RANBP2: variants seen among roughly 807,000 people sequenced by gnomAD.
RANBP2 encodes RAN binding protein 2, also known as E3 SUMO-protein ligase RanBP2.
RANBP2 carries 57 observed loss-of-function variants against 303.6 expected under a neutral mutation model. The observed-to-expected ratio is 0.19, with a 90% CI of 0.15 to 0.23. RANBP2 has a LOEUF of 0.23. Among genes scored for constraint, RANBP2 ranks in the 10% least tolerant of loss-of-function variants. The pLI is 1.00. For missense variants in RANBP2, 3,138 were observed against 3,780.8 expected, an observed-to-expected ratio of 0.83 and a Z score of 4.46; for synonymous variants, 1,167 against 1,301.5, an observed-to-expected ratio of 0.90 and a Z score of 2.23.
chr2:109,474,546 G>A, the RANBP2 span, among the ~76,000 whole-genome samples: 12 of 152,158 alleles, frequency 7.9e-5, no homozygotes, highest in South Asian at 6.2e-4. Context: ...ATTACAGTCC[G>A]AACCGCACGG....
the RANBP2 span, among the ~76,000 whole-genome samples, chr2:109,217,631 A>G: frequency 6.6e-6 from 1 of 152,252 alleles, no homozygotes; most frequent in Non-Finnish European, 1.5e-5. Context: ...GAATGAGAAC[A>G]ACCTGCCAGT....
the RANBP2 span, among the ~76,000 whole-genome samples, chr2:108,831,606 G>T: frequency 1.3e-5 from 2 of 152,110 alleles, no homozygotes; most frequent in African/African-American, 4.8e-5. Flanking sequence ...TCCAATTTTA[G>T]CACACATCAG....
At chr2:108,860,069 A>T in the RANBP2 span, among the ~76,000 whole-genome samples, 1 of 151,944 alleles carries the variant, frequency 6.6e-6, no homozygotes, top group Admixed American at 6.6e-5. Flanking sequence ...GGCTGTTGTA[A>T]ATAGGATTGT....
the RANBP2 span, among the ~76,000 whole-genome samples, chr2:108,809,445 A>G: frequency 8.1e-6 from 1 of 123,684 alleles, no homozygotes; most frequent in African/African-American, 3.2e-5. Context: ...TGAACATGAA[A>G]TGTTGTGTGT....
the RANBP2 span, among the ~76,000 whole-genome samples, chr2:109,336,255 AG>A: frequency 6.6e-5 from 10 of 152,234 alleles, no homozygotes; most frequent in Admixed American, 5.2e-4. Context: ...CATGCTGGGA[AG>A]GCTGTCTTGT....
At chr2:109,369,139 T>C in the RANBP2 span, among the ~76,000 whole-genome samples, 1 of 150,920 alleles carries the variant, frequency 6.6e-6, no homozygotes, top group Non-Finnish European at 1.5e-5. Flanking sequence ...GGTCAGGGGA[T>C]CGAGACCATC....
At chr2:109,472,979 C>A in the RANBP2 span, among the ~76,000 whole-genome samples, 1 of 152,286 alleles carries the variant, frequency 6.6e-6, no homozygotes, top group South Asian at 2.1e-4. Context: ...AAATTCTACC[C>A]GACTCGTGGG....
the RANBP2 span, among the ~76,000 whole-genome samples, chr2:109,521,079 T>C: frequency 1.2e-4 from 18 of 151,854 alleles, 1 homozygote; most frequent in East Asian, 3.5e-3. Context: ...TAGCCGGGCG[T>C]GGTGGCGGGC....
At chr2:109,504,991 C>G in the RANBP2 span, among the ~76,000 whole-genome samples, 2 of 152,168 alleles carry the variant, frequency 1.3e-5, no homozygotes, top group African/African-American at 4.8e-5. Flanking sequence ...GTAGATGACT[C>G]GCCTCCTTTT....
At chr2:109,377,065 TG>T in the RANBP2 span, among the ~76,000 whole-genome samples, 1 of 152,198 alleles carries the variant, frequency 6.6e-6, no homozygotes, top group African/African-American at 2.4e-5. Flanking sequence ...GGATTTGGCT[TG>T]GGCTGAAAAA....
the RANBP2 span, among the ~76,000 whole-genome samples, chr2:109,536,155 C>A: frequency 1.3e-5 from 2 of 152,042 alleles, no homozygotes; most frequent in Admixed American, 6.6e-5. Context: ...CCTAGTGGAG[C>A]TGTGAGAAAA....
chr2:109,503,722 A>G, the RANBP2 span: 1 of 152,198 alleles, frequency 6.6e-6, no homozygotes, highest in Non-Finnish European at 1.5e-5. Flanking sequence ...TCTCCAGGTA[A>G]CTTTTTTGAA....
chr2:109,521,827 G>C, the RANBP2 span, among the ~76,000 whole-genome samples: 1 of 152,128 alleles, frequency 6.6e-6, no homozygotes. Flanking sequence ...GATTTAATCA[G>C]CTCATTACCT....
the RANBP2 span, among the ~76,000 whole-genome samples, chr2:108,921,041 G>A: frequency 1.6e-3 from 244 of 152,300 alleles, 1 homozygote; most frequent in Middle Eastern, 3.4e-3. Flanking sequence ...CTGATGAATC[G>A]GGGGTGGGCC....
At chr2:109,097,515 C>A in the RANBP2 span, among the ~76,000 whole-genome samples, 3 of 151,814 alleles carry the variant, frequency 2.0e-5, no homozygotes, top group Non-Finnish European at 4.4e-5. Flanking sequence ...GCTTGCCTTT[C>A]GTATTTAGAA....
At chr2:109,501,314 AT>A in the RANBP2 span, among the ~76,000 whole-genome samples, 4 of 152,176 alleles carry the variant, frequency 2.6e-5, no homozygotes, top group African/African-American at 7.2e-5. Context: ...TGCCTTTTAA[AT>A]TTTTTTTATT....
At chr2:108,966,219 CCTGT>C in the RANBP2 span, among the ~76,000 whole-genome samples, 1 of 152,188 alleles carries the variant, frequency 6.6e-6, no homozygotes, top group Non-Finnish European at 1.5e-5. Context: ...AATGCAAAGA[CCTGT>C]CTGCCTTGCA....
the RANBP2 span, chr2:109,794,707 G>A: frequency 1.7e-5 from 12 of 705,046 alleles, no homozygotes; most frequent in African/African-American, 3.2e-4. Context: ...CGGCCGGCTG[G>A]CGCAGTCCTG....
In RANBP2 at chr2:108,765,756, C is replaced by T. The variant is rs146460294; in HGVS notation, c.5217C>T (p.Ala1739=). 1.9e-4 allele frequency: 311 copies of T among 1,613,700 alleles called. 2 individuals carry two copies. In the African/African-American group the frequency reaches 3.9e-3, roughly 20 times the overall value. ...GTGTGTGCTTAGTAAGAAATGAAGC[C>T]AGTGCTACCAAATGTATTGCTTGTC... is the stretch of plus-strand genomic sequence containing the variant. ...DCSVCLVRNE[A]SATKCIACQC... Residue 1739 remains alanine, a synonymous_variant, in exon 20 of 29, where the codon GCC becomes GCT. Transcript: ENST00000283195.
Sources: gnomAD v4.1 joint callset for allele counts (sites outside exome capture counted in the v4.1 genomes callset) on GRCh38, gnomAD v4.1.1 for gene constraint, MANE v1.5 for transcripts, NCBI Gene and HGNC (gene_info 2026-07-23, HGNC 2026-07-21) for gene names.